The following DPP10 variants were observed in gnomAD, a reference collection of about 807,000 sequenced individuals.
DPP10 encodes the protein dipeptidyl peptidase like 10.
DPP10 carries 33 observed loss-of-function variants against 120.9 expected under a neutral mutation model. That is an observed-to-expected ratio of 0.27 (90% CI 0.21 to 0.37). The LOEUF (loss-of-function observed/expected upper bound fraction) is 0.37, where lower values mean the gene tolerates loss of function less well. Among genes scored for constraint, DPP10 ranks in the 10% least tolerant of loss-of-function variants. DPP10 has a pLI of 1.00. For missense variants in DPP10, 816 were observed against 942.8 expected, an observed-to-expected ratio of 0.87 and a Z score of 1.76; for synonymous variants, 337 against 326.1, an observed-to-expected ratio of 1.03 and a Z score of -0.36.
At chr2:114,851,173 A>G (rs1688921032) in intron 1 of DPP10, among the ~76,000 whole-genome samples, 1 of 152,158 alleles carries the variant, frequency 6.6e-6, no homozygotes, top group Non-Finnish European at 1.5e-5. Context: ...CTTTCTTTAC[A>G]TTTATTTCTA....
chr2:114,536,852 C>G (rs1294409716), intron 1 of DPP10, among the ~76,000 whole-genome samples: 3 of 152,172 alleles, frequency 2.0e-5, no homozygotes, highest in Non-Finnish European at 4.4e-5. Flanking sequence ...ACTTGTCCCT[C>G]CAGCCCCATA....
chr2:115,680,946 C>T (rs1427721346), intron 5 of DPP10, among the ~76,000 whole-genome samples: 1 of 151,860 alleles, frequency 6.6e-6, no homozygotes, highest in African/African-American at 2.4e-5. Flanking sequence ...CAGCTTATGA[C>T]AGGATATTCA....
intron 3 of DPP10, among the ~76,000 whole-genome samples, chr2:115,347,632 A>G (rs1220544697): frequency 6.6e-6 from 1 of 151,756 alleles, no homozygotes; most frequent in Admixed American, 6.6e-5. Context: ...TCCCTCCCCT[A>G]GTCCCCTACC....
chr2:115,617,270 T>TATATA (rs1558931376), intron 5 of DPP10, among the ~76,000 whole-genome samples: 2 of 1,438 alleles, frequency 1.4e-3, no homozygotes, highest in Admixed American at 0.032. Flanking sequence ...TATATATATT[T>TATATA]TTTATATATA....
intron 10 of DPP10, among the ~76,000 whole-genome samples, chr2:115,748,224 T>C (rs1036476278): frequency 9.9e-6 from 1 of 101,452 alleles, no homozygotes; most frequent in African/African-American, 2.9e-5. Flanking sequence ...TTTACATGTT[T>C]ATGGGTTTTT....
At chr2:114,759,569 G>T (rs1680095853) in intron 1 of DPP10, among the ~76,000 whole-genome samples, 1 of 151,672 alleles carries the variant, frequency 6.6e-6, no homozygotes, top group African/African-American at 2.4e-5. Context: ...TTTCTATGGA[G>T]TTCTTTGGGT....
intron 5 of DPP10, among the ~76,000 whole-genome samples, chr2:115,540,365 G>T (rs1051405967): frequency 1.1e-4 from 16 of 151,914 alleles, no homozygotes; most frequent in African/African-American, 3.4e-4. Context: ...CTTAATCTGT[G>T]AGGTAAATCC....
intron 1 of DPP10, among the ~76,000 whole-genome samples, chr2:115,200,372 A>T (rs2055609936): frequency 1.3e-5 from 2 of 152,176 alleles, no homozygotes; most frequent in South Asian, 4.1e-4. Context: ...CTGTGGTGAG[A>T]TTAAACATTC....
chr2:114,800,912 A>G (rs559095470), intron 1 of DPP10, among the ~76,000 whole-genome samples: 1 of 146,228 alleles, frequency 6.8e-6, no homozygotes, highest in Admixed American at 7.1e-5. Context: ...AGATATATTT[A>G]GAAGCATGAG....
chr2:115,505,628 T>C (rs2076900802), intron 4 of DPP10, among the ~76,000 whole-genome samples: 1 of 152,168 alleles, frequency 6.6e-6, no homozygotes, highest in Non-Finnish European at 1.5e-5. Flanking sequence ...ATTTGATGGA[T>C]ATTTCTGCCC....
At chr2:115,174,586 G>T (rs889665130) in intron 1 of DPP10, among the ~76,000 whole-genome samples, 1 of 152,164 alleles carries the variant, frequency 6.6e-6, no homozygotes, top group Admixed American at 6.5e-5. Flanking sequence ...AATAGTAAGA[G>T]AAAATAGGGT....
At chr2:114,499,314 T>C (rs1243285454) in intron 1 of DPP10, among the ~76,000 whole-genome samples, 3 of 152,214 alleles carry the variant, frequency 2.0e-5, no homozygotes, top group Admixed American at 1.3e-4. Context: ...GAGTGAACTT[T>C]GAGCAAGGGC....
chr2:115,173,731 G>C (rs142539276), intron 1 of DPP10, among the ~76,000 whole-genome samples: 21 of 152,274 alleles, frequency 1.4e-4, no homozygotes, highest in African/African-American at 5.1e-4. Context: ...TTCTGACTCT[G>C]AGAGTCTTAA....
chr2:114,647,353 C>T (rs1696218218), intron 1 of DPP10, among the ~76,000 whole-genome samples: 1 of 152,100 alleles, frequency 6.6e-6, no homozygotes, highest in Admixed American at 6.5e-5. Flanking sequence ...TTGTAATAAG[C>T]ACATCTTTAT....
At chr2:114,639,688 G>T (rs1695564296) in intron 1 of DPP10, among the ~76,000 whole-genome samples, 1 of 151,672 alleles carries the variant, frequency 6.6e-6, no homozygotes, top group African/African-American at 2.4e-5. Flanking sequence ...CATAAAACAA[G>T]CAAGTTGTCA....
chr2:114,822,178 A>G (rs908658020), intron 1 of DPP10, among the ~76,000 whole-genome samples: 10 of 152,060 alleles, frequency 6.6e-5, no homozygotes, highest in African/African-American at 2.4e-4. Context: ...ATGTTTTTTT[A>G]CATCCTCTGA....
chr2:115,594,573 C>G (rs1187495394), intron 5 of DPP10, among the ~76,000 whole-genome samples: 2 of 152,178 alleles, frequency 1.3e-5, no homozygotes, highest in Non-Finnish European at 2.9e-5. Context: ...CTTTAGCTCT[C>G]CAGTGAAAGT....
chr2:114,737,095 CT>C (rs1677515811), intron 1 of DPP10, among the ~76,000 whole-genome samples: 1 of 152,088 alleles, frequency 6.6e-6, no homozygotes. Context: ...GGAATTGTTG[CT>C]AATTGAAAAA....
intron 1 of DPP10, among the ~76,000 whole-genome samples, chr2:115,139,514 A>G (rs1291871326): frequency 6.6e-6 from 1 of 152,026 alleles, no homozygotes; most frequent in Non-Finnish European, 1.5e-5. Flanking sequence ...ACCTGGTTGT[A>G]AATTTAACCA....
Sources: allele counts gnomAD v4.1 joint callset (sites outside exome capture counted in the v4.1 genomes callset), GRCh38; gene constraint gnomAD v4.1.1; transcripts MANE v1.5; gene names NCBI Gene and HGNC (gene_info 2026-07-23, HGNC 2026-07-21).